The following RPA3 variants were observed in gnomAD, a reference collection of about 807,000 sequenced individuals.
The protein encoded by RPA3 is replication protein A 14 kDa subunit.
In RPA3, 24 loss-of-function variants were observed where a neutral mutation model predicts 13.7. That is an observed-to-expected ratio of 1.75 (90% CI 1.27 to 2.46). The LOEUF (loss-of-function observed/expected upper bound fraction) is 2.46, where lower values mean the gene tolerates loss of function less well. Among genes scored for constraint, RPA3 ranks in the 30% most tolerant of loss-of-function variants. The probability of loss-of-function intolerance (pLI) is 0.00; values close to 1 mark genes in which losing one functional copy is unlikely to be tolerated. For synonymous variants in RPA3, 59 were observed against 51.2 expected (o/e 1.15, Z -0.65); for missense variants, 183 against 151.0 (o/e 1.21, Z -1.11).
chr7:7,694,445 T>A (rs1020044296), intron 2 of RPA3, among the ~76,000 whole-genome samples: 11 of 152,164 alleles, frequency 7.2e-5, no homozygotes, highest in Admixed American at 1.3e-4. Context: ...GTAGTCACCC[T>A]GTTGTGCTAT....
chr7:7,704,878 G>A (rs1371274866), intron 2 of RPA3, among the ~76,000 whole-genome samples: 1 of 149,258 alleles, frequency 6.7e-6, no homozygotes, highest in Non-Finnish European at 1.5e-5. Flanking sequence ...AAAACGATGT[G>A]TTTTATTTGG....
chr7:7,653,441 C>A (rs1027456831), intron 4 of RPA3, among the ~76,000 whole-genome samples: 2 of 152,194 alleles, frequency 1.3e-5, no homozygotes, highest in Admixed American at 6.5e-5. Flanking sequence ...ACCTTATCTT[C>A]TAAGGATGCT....
At chr7:7,707,993 T>A (rs1253758655) in intron 2 of RPA3, among the ~76,000 whole-genome samples, 6 of 152,226 alleles carry the variant, frequency 3.9e-5, no homozygotes, top group Non-Finnish European at 7.3e-5. Flanking sequence ...GTCACTTTTT[T>A]AATGCGGCTC....
intron 4 of RPA3, among the ~76,000 whole-genome samples, chr7:7,653,704 G>C (rs1462661509): frequency 6.6e-6 from 1 of 152,240 alleles, no homozygotes; most frequent in Non-Finnish European, 1.5e-5. Flanking sequence ...TTTACCTAGA[G>C]AGTGCTGCTG....
chr7:7,660,847 T>C (rs1269364628), intron 4 of RPA3, among the ~76,000 whole-genome samples: 4 of 152,216 alleles, frequency 2.6e-5, no homozygotes, highest in African/African-American at 9.6e-5. Flanking sequence ...AATGTTGGCC[T>C]GTCTTGCTAG....
At chr7:7,697,988 CTG>C in intron 2 of RPA3, among the ~76,000 whole-genome samples, 1 of 152,124 alleles carries the variant, frequency 6.6e-6, no homozygotes, top group African/African-American at 2.4e-5. Flanking sequence ...CCTTAGCAAG[CTG>C]ACCCCACTAC....
chr7:7,666,107 T>G (rs1779446919), intron 4 of RPA3, among the ~76,000 whole-genome samples: 1 of 152,218 alleles, frequency 6.6e-6, no homozygotes. Flanking sequence ...CTGTACCATA[T>G]TACCCTTCTA....
chr7:7,710,755 T>G (rs1484357465), intron 2 of RPA3, among the ~76,000 whole-genome samples: 1 of 152,216 alleles, frequency 6.6e-6, no homozygotes, highest in Non-Finnish European at 1.5e-5. Context: ...TTATAGCAAT[T>G]TTATTCATAA....
chr7:7,658,783 G>A (rs113125825), intron 4 of RPA3, among the ~76,000 whole-genome samples: 10,461 of 152,026 alleles, frequency 0.069, 391 homozygotes, highest in Admixed American at 0.11. Context: ...TTTTTTTGTT[G>A]TATCTCTGCC....
At chr7:7,668,592 A>G (rs1337733245) in intron 4 of RPA3, among the ~76,000 whole-genome samples, 1 of 152,208 alleles carries the variant, frequency 6.6e-6, no homozygotes, top group African/African-American at 2.4e-5. Context: ...ACTTTAAGTG[A>G]AACAACATGT....
chr7:7,663,527 C>G (rs1198948723), intron 4 of RPA3, among the ~76,000 whole-genome samples: 1 of 152,072 alleles, frequency 6.6e-6, no homozygotes, highest in Non-Finnish European at 1.5e-5. Flanking sequence ...GGGGGAGAGT[C>G]TTTATGTAAT....
chr7:7,650,232 T>G (rs1355393156), intron 4 of RPA3, among the ~76,000 whole-genome samples: 1 of 152,244 alleles, frequency 6.6e-6, no homozygotes, highest in African/African-American at 2.4e-5. Flanking sequence ...CTAGACATTA[T>G]TATTGCTTTA....
intron 4 of RPA3, among the ~76,000 whole-genome samples, chr7:7,661,459 G>T (rs150053101): frequency 6.6e-6 from 1 of 152,182 alleles, no homozygotes; most frequent in African/African-American, 2.4e-5. Flanking sequence ...TCTACCTTTG[G>T]CCTTTGATGC....
chr7:7,639,102 C>A lies in RPA3; in HGVS notation c.142G>T (p.Gly48Ter). ...GKMFILSDGE[G>*]KNGTIELMEP... Reference sequence around the variant, plus strand: ...ATCAACTCGATGGTTCCATTTTTTCCTTCTCCATCTGAAAGAATAAACATT... The same window carrying A: ...ATCAACTCGATGGTTCCATTTTTTCATTCTCCATCTGAAAGAATAAACATT... Residue 48 changes from glycine (G) to a stop codon, truncating the protein, a stop_gained, in exon 6 of 8, where the codon GGA becomes TGA. Coordinates refer to ENST00000223129, the MANE Select transcript of RPA3 (RefSeq NM_002947.5). LOFTEE classifies it high-confidence loss of function. 1 of 1,611,284 alleles carries A rather than the reference C, an allele frequency of 6.2e-7. No individual in the cohort carries two copies. The highest frequency in any genetic ancestry group is 8.5e-7 in the Non-Finnish European group (1 of 1,178,858).
chr7:7,666,064 T>G (rs139714574), intron 4 of RPA3, among the ~76,000 whole-genome samples: 178 of 152,330 alleles, frequency 1.2e-3, no homozygotes, highest in African/African-American at 3.9e-3. Context: ...TGTTTATGTT[T>G]TTAAGAAACT....
At chr7:7,659,659 G>T (rs767859585) in intron 4 of RPA3, among the ~76,000 whole-genome samples, 8 of 152,180 alleles carry the variant, frequency 5.3e-5, no homozygotes, top group Non-Finnish European at 1.2e-4. Flanking sequence ...ATTGCACTGT[G>T]GTCTGAGAGA....
intron 4 of RPA3, among the ~76,000 whole-genome samples, chr7:7,653,744 T>C (rs566620595): frequency 6.0e-4 from 92 of 152,328 alleles, no homozygotes; most frequent in African/African-American, 2.0e-3. Context: ...GAAGTCCCTT[T>C]CTTGTAATGT....
At chr7:7,646,974 T>A (rs1020897475) in intron 4 of RPA3, among the ~76,000 whole-genome samples, 9 of 152,194 alleles carry the variant, frequency 5.9e-5, no homozygotes, top group African/African-American at 2.2e-4. Flanking sequence ...GGTGGAGCCC[T>A]CGCCAGGGAC....
At chr7:7,695,765 A>G (rs1757707780) in intron 2 of RPA3, among the ~76,000 whole-genome samples, 1 of 152,188 alleles carries the variant, frequency 6.6e-6, no homozygotes, top group African/African-American at 2.4e-5. Context: ...GTTGGGAATT[A>G]TCTGTCAATG....
Sources: gnomAD v4.1 joint callset for allele counts (sites outside exome capture counted in the v4.1 genomes callset) on GRCh38, gnomAD v4.1.1 for gene constraint, MANE v1.5 for transcripts, NCBI Gene and HGNC (gene_info 2026-07-23, HGNC 2026-07-21) for gene names.